Variants in ITFG2 observed in about 807,000 individuals in gnomAD.
ITFG2 encodes the protein integrin alpha FG-GAP repeat containing 2.
ITFG2 carries 36 observed loss-of-function variants against 54.4 expected under a neutral mutation model. That is an observed-to-expected ratio of 0.66 (90% CI 0.51 to 0.87). ITFG2 has a LOEUF of 0.87. Among genes scored for constraint, ITFG2 ranks in the 40% least tolerant of loss-of-function variants. The probability of loss-of-function intolerance (pLI) is 0.00; values close to 1 mark genes in which losing one functional copy is unlikely to be tolerated. For missense variants in ITFG2, 524 were observed against 576.7 expected, an observed-to-expected ratio of 0.91 and a Z score of 0.94; for synonymous variants, 211 against 225.4, an observed-to-expected ratio of 0.94 and a Z score of 0.57.
At chr12:2,844,420 G>T (rs950770219) in intron 2 of ITFG2, among the ~76,000 whole-genome samples, 1 of 152,086 alleles carries the variant, frequency 6.6e-6, no homozygotes, top group Non-Finnish European at 1.5e-5. Context: ...TGAGCATAGC[G>T]GTGTGCGCTT....
chr12:2,855,082 C>G (rs1271702525), intron 2 of ITFG2: 1 of 1,535,940 alleles, frequency 6.5e-7, no homozygotes, highest in South Asian at 1.2e-5. Context: ...GCTGTTTTGC[C>G]CCATCCAGGA....
intron 1 of ITFG2, among the ~76,000 whole-genome samples, chr12:2,840,655 G>A (rs966375961): frequency 4.7e-5 from 7 of 149,620 alleles, no homozygotes; most frequent in South Asian, 2.1e-4. Context: ...GCGAGGTGGC[G>A]GGCGCCTGTA....
At chr12:2,853,607 G>GTTTTTT (rs569055360) in intron 2 of ITFG2, among the ~76,000 whole-genome samples, 1 of 145,414 alleles carries the variant, frequency 6.9e-6, no homozygotes, top group Non-Finnish European at 1.5e-5. Flanking sequence ...TTTTGTTTTT[G>GTTTTTT]TTTTTGTTTT....
exon 1 of ITFG2, chr12:2,836,894 A>G (rs887675217): frequency 1.3e-5 from 2 of 152,292 alleles, no homozygotes; most frequent in Non-Finnish European, 2.9e-5. Flanking sequence ...ACCCTGCCTT[A>G]CAGCTGTCAG....
chr12:2,846,461 C>T (rs539950971), intron 2 of ITFG2, among the ~76,000 whole-genome samples: 4 of 152,246 alleles, frequency 2.6e-5, no homozygotes, highest in Middle Eastern at 6.8e-3. Context: ...GCCTTGCAGT[C>T]CCCGCTCCAG....
rs189399067 is a variant in ITFG2, at chr12:2,837,229, G to A, written n.146+273G>A. On this transcript the variant is annotated intron_variant and non_coding_transcript_variant, in intron 1 of 3. Transcript: ENST00000537710. ...GCGGTGGCTCACGCCTGTAATCCCA[G>A]CACTTTGGGAGGCCGAGGCAGGCGG... Among the ~76,000 whole-genome samples the A allele has an allele frequency of 8.7e-3, 1,325 of 151,798 alleles. 17 individuals are homozygous for A. The highest frequency in any genetic ancestry group is 0.03 in the African/African-American group (1,253 of 41,396).
At chr12:2,813,696 C>T (rs1229952858) in intron 1 of ITFG2, among the ~76,000 whole-genome samples, 1 of 152,166 alleles carries the variant, frequency 6.6e-6, no homozygotes, top group Non-Finnish European at 1.5e-5. Context: ...CCCCCTTCTA[C>T]CCTCTGCCCT....
intron 2 of ITFG2, among the ~76,000 whole-genome samples, chr12:2,850,914 C>T (rs1032763536): frequency 1.3e-5 from 2 of 151,204 alleles, no homozygotes; most frequent in Non-Finnish European, 2.9e-5. Flanking sequence ...TCAAGTGATT[C>T]GCCCGCCTTG....
downstream of ITFG2, chr12:2,828,080 C>T (rs765818647): frequency 2.5e-6 from 4 of 1,576,870 alleles, no homozygotes; most frequent in Non-Finnish European, 3.5e-6. Flanking sequence ...ATGGCTACCA[C>T]AGCCCCTAGA....
intron 2 of ITFG2, among the ~76,000 whole-genome samples, chr12:2,854,069 C>T (rs189880256): frequency 7.1e-4 from 108 of 152,224 alleles, no homozygotes; most frequent in African/African-American, 2.4e-3. Flanking sequence ...CTTGTTGCCC[C>T]GGCTGGAGTG....
chr12:2,818,362 G>T, intron 4 of ITFG2, 85 bp downstream of exon 4: 1 of 1,576,558 alleles, frequency 6.3e-7, no homozygotes, highest in East Asian at 2.3e-5. Flanking sequence ...GGGTGAGAGG[G>T]AGAATCCGTA....
At chr12:2,814,433 CA>C (rs1213077967) in intron 1 of ITFG2, among the ~76,000 whole-genome samples, 1 of 152,134 alleles carries the variant, frequency 6.6e-6, no homozygotes, top group African/African-American at 2.4e-5. Flanking sequence ...GATATACTAC[CA>C]TTTTTTTTCA....
intron 2 of ITFG2, among the ~76,000 whole-genome samples, chr12:2,855,758 C>T (rs1173132735): frequency 2.0e-5 from 3 of 152,182 alleles, no homozygotes; most frequent in Non-Finnish European, 4.4e-5. Context: ...TCTGGCATCC[C>T]CACATTCCCA....
intron 2 of ITFG2, among the ~76,000 whole-genome samples, chr12:2,855,696 T>C (rs1001681459): frequency 6.6e-6 from 1 of 152,168 alleles, no homozygotes; most frequent in African/African-American, 2.4e-5. Flanking sequence ...GGCTTTGACT[T>C]CCCACCCTCT....
At chr12:2,817,195 T>C in intron 1 of ITFG2, 28 bp from the exon 2 acceptor site, 1 of 1,509,784 alleles carries the variant, frequency 6.6e-7, no homozygotes, top group Non-Finnish European at 9.2e-7. Context: ...AGTCCCATCC[T>C]AACGCTTTCT....
chr12:2,853,242 A>G (rs938220641), intron 2 of ITFG2, among the ~76,000 whole-genome samples: 2 of 151,886 alleles, frequency 1.3e-5, no homozygotes, highest in African/African-American at 4.8e-5. Context: ...GTCCCCACAA[A>G]GGAGACTGAT....
chr12:2,850,286 C>T (rs532765620), intron 2 of ITFG2, among the ~76,000 whole-genome samples: 16 of 151,990 alleles, frequency 1.1e-4, no homozygotes, highest in African/African-American at 3.6e-4. Flanking sequence ...CCAGCCTGGC[C>T]GACATGATGA....
At chr12:2,826,994 T>A (rs1316919995), downstream of ITFG2, 11 of 1,381,896 alleles carry the variant, frequency 8.0e-6, no homozygotes, top group Non-Finnish European at 9.3e-6. Flanking sequence ...TCGTGGGCCC[T>A]CTAGTGAAAA....
intron 2 of ITFG2, chr12:2,849,166 G>A (rs1056674530): frequency 8.3e-6 from 12 of 1,449,896 alleles, no homozygotes; most frequent in African/African-American, 2.8e-5. Context: ...TGCTGAAGGA[G>A]CATTGATTGA....
Sources: gnomAD v4.1 joint callset for allele counts (sites outside exome capture counted in the v4.1 genomes callset) on GRCh38, gnomAD v4.1.1 for gene constraint, MANE v1.5 for transcripts, NCBI Gene and HGNC (gene_info 2026-07-23, HGNC 2026-07-21) for gene names.